ESRRG: variants seen among roughly 807,000 people sequenced by gnomAD.
ESRRG encodes the protein estrogen-related receptor gamma.
In ESRRG, 13 loss-of-function variants were observed where a neutral mutation model predicts 44.0. The observed-to-expected ratio is 0.30, with a 90% CI of 0.19 to 0.47. The LOEUF (loss-of-function observed/expected upper bound fraction) is 0.47, where lower values mean the gene tolerates loss of function less well. Among genes scored for constraint, ESRRG ranks in the 20% least tolerant of loss-of-function variants. ESRRG has a pLI of 1.00. For synonymous variants in ESRRG, 215 were observed against 214.6 expected, an observed-to-expected ratio of 1.00 and a Z score of -0.02; for missense variants, 395 against 580.6, an observed-to-expected ratio of 0.68 and a Z score of 3.29.
chr1:216,575,303 A>G (rs1439308356), intron 3 of ESRRG, among the ~76,000 whole-genome samples: 1 of 152,126 alleles, frequency 6.6e-6, no homozygotes, highest in Non-Finnish European at 1.5e-5. Flanking sequence ...CTCTAACTAT[A>G]TTGCCTGTTC....
At chr1:217,055,716 T>C (rs1381993134) in intron 1 of ESRRG, among the ~76,000 whole-genome samples, 2 of 151,440 alleles carry the variant, frequency 1.3e-5, no homozygotes, top group Non-Finnish European at 2.9e-5. Flanking sequence ...GCCTAAGTTA[T>C]TGCTCTCAGG....
intron 1 of ESRRG, among the ~76,000 whole-genome samples, chr1:217,079,101 C>T (rs185166031): frequency 1.9e-4 from 29 of 152,218 alleles, no homozygotes; most frequent in Admixed American, 1.6e-3. Context: ...ACCTTACCAA[C>T]TGTAGTAGTG....
At chr1:216,655,933 A>G (rs1399858144) in intron 2 of ESRRG, among the ~76,000 whole-genome samples, 2 of 152,138 alleles carry the variant, frequency 1.3e-5, no homozygotes, top group African/African-American at 4.8e-5. Context: ...CAATAAAGAA[A>G]GCATTTTATC....
At chr1:216,718,758 C>G (rs2085477199) in intron 1 of ESRRG, among the ~76,000 whole-genome samples, 1 of 151,962 alleles carries the variant, frequency 6.6e-6, no homozygotes, top group Non-Finnish European at 1.5e-5. Flanking sequence ...AGCTCATACG[C>G]ACTTATAATA....
intron 3 of ESRRG, among the ~76,000 whole-genome samples, chr1:216,623,830 T>C (rs2062711776): frequency 6.6e-6 from 1 of 152,058 alleles, no homozygotes; most frequent in South Asian, 2.1e-4. Flanking sequence ...TGTGTGTGCA[T>C]ACATAGCAAA....
intron 2 of ESRRG, among the ~76,000 whole-genome samples, chr1:216,653,458 C>A (rs1176818876): frequency 6.6e-6 from 1 of 152,188 alleles, no homozygotes; most frequent in African/African-American, 2.4e-5. Flanking sequence ...CTTCTCCCAG[C>A]CTTTCATTTA....
At chr1:216,752,818 GTA>G (rs1246619821) in intron 2 of ESRRG, among the ~76,000 whole-genome samples, 2 of 152,066 alleles carry the variant, frequency 1.3e-5, no homozygotes, top group African/African-American at 4.8e-5. Flanking sequence ...TAACTTTACT[GTA>G]CTTCAGTTTC....
intron 1 of ESRRG, among the ~76,000 whole-genome samples, chr1:217,120,113 G>A (rs1255895567): frequency 6.6e-6 from 1 of 152,070 alleles, no homozygotes; most frequent in Non-Finnish European, 1.5e-5. Context: ...ACAGTGAGAT[G>A]CCTCCTCTTA....
At chr1:216,659,534 T>A (rs1856521) in intron 2 of ESRRG, among the ~76,000 whole-genome samples, 8 of 152,028 alleles carry the variant, frequency 5.3e-5, no homozygotes, top group African/African-American at 1.9e-4. Context: ...TCTTCAAAAA[T>A]CTTATCCCAG....
intron 2 of ESRRG, among the ~76,000 whole-genome samples, chr1:216,865,876 A>G (rs1389657338): frequency 6.6e-6 from 1 of 152,208 alleles, no homozygotes; most frequent in African/African-American, 2.4e-5. Flanking sequence ...CATACCTAAT[A>G]TAACATTCTT....
chr1:217,067,026 A>G (rs2089832879), intron 1 of ESRRG, among the ~76,000 whole-genome samples: 2 of 152,212 alleles, frequency 1.3e-5, no homozygotes, highest in Admixed American at 1.3e-4. Context: ...GAACAGTGAG[A>G]TGCTTGGCAC....
intron 1 of ESRRG, among the ~76,000 whole-genome samples, chr1:216,973,246 T>C (rs866483431): frequency 4.6e-5 from 7 of 152,186 alleles, no homozygotes; most frequent in African/African-American, 1.7e-4. Context: ...ACAGCCATGA[T>C]ACCGGCCTAA....
chr1:217,105,041 C>A lies in ESRRG; in HGVS notation c.-230+32626G>T, dbSNP rs184334076. On this transcript the variant is annotated intron_variant, in intron 1 of 8. Coordinates refer to the ESRRG transcript ENST00000366940. ...TCCATCTATTACCTATACTCTGTGA[C>A]CCTCTCTTTCCCAAAGAGGACTCCA... Among the ~76,000 whole-genome samples, 4 of 152,250 alleles carry A rather than the reference C, an allele frequency of 2.6e-5. No homozygotes were observed. The East Asian group carries it at 7.8e-4, about 30-fold the overall frequency.
intron 1 of ESRRG, among the ~76,000 whole-genome samples, chr1:216,693,729 A>AT (rs2079556592): frequency 1.3e-5 from 2 of 152,128 alleles, no homozygotes; most frequent in Non-Finnish European, 2.9e-5. Context: ...TTTTTCTAAT[A>AT]TTTTTTATCT....
chr1:217,117,900 T>C (rs1475668975), intron 1 of ESRRG, among the ~76,000 whole-genome samples: 1 of 152,208 alleles, frequency 6.6e-6, no homozygotes, highest in East Asian at 1.9e-4. Context: ...ATGATGTGTA[T>C]TTAATGCTTC....
At chr1:216,932,665 C>T (rs1351425554) in intron 2 of ESRRG, among the ~76,000 whole-genome samples, 1 of 151,228 alleles carries the variant, frequency 6.6e-6, no homozygotes, top group Admixed American at 6.6e-5. Flanking sequence ...TCAGGTGATC[C>T]TCCCACTTCA....
intron 3 of ESRRG, among the ~76,000 whole-genome samples, chr1:216,594,025 T>C (rs2150044212): frequency 6.6e-6 from 1 of 152,294 alleles, no homozygotes; most frequent in Admixed American, 6.5e-5. Flanking sequence ...GAGTGAATTT[T>C]AATAGTATGA....
intron 5 of ESRRG, among the ~76,000 whole-genome samples, chr1:216,536,147 TTC>T (rs900673097): frequency 2.6e-5 from 4 of 152,232 alleles, no homozygotes; most frequent in African/African-American, 9.6e-5. Flanking sequence ...CTTTAAATAA[TTC>T]TGTGTTCACT....
chr1:216,625,946 AC>A (rs2063123513), intron 3 of ESRRG, among the ~76,000 whole-genome samples: 1 of 151,344 alleles, frequency 6.6e-6, no homozygotes, highest in Admixed American at 6.6e-5. Context: ...TCTCTCTCTG[AC>A]TCCTCTCTCA....
Sources: gnomAD v4.1 joint callset for allele counts (sites outside exome capture counted in the v4.1 genomes callset) on GRCh38, gnomAD v4.1.1 for gene constraint, MANE v1.5 for transcripts, NCBI Gene and HGNC (gene_info 2026-07-23, HGNC 2026-07-21) for gene names.